Variants in CDK5RAP2 observed in about 807,000 individuals in gnomAD.
CDK5RAP2 encodes CDK5 regulatory subunit-associated protein 2.
A neutral mutation model predicts 232.9 loss-of-function variants in CDK5RAP2; 147 were observed. The ratio of observed to expected loss-of-function variants is 0.63; its 90% CI spans 0.55 to 0.72. The LOEUF (loss-of-function observed/expected upper bound fraction) is 0.72. CDK5RAP2 is among the 30% of genes least tolerant of loss of function. The pLI is 0.00. For missense variants in CDK5RAP2, 2,195 were observed against 2,231.5 expected, an observed-to-expected ratio of 0.98 and a Z score of 0.33; for synonymous variants, 833 against 833.7, an observed-to-expected ratio of 1.00 and a Z score of 0.01.
intron 3 of CDK5RAP2, among the ~76,000 whole-genome samples, chr9:120,556,797 ACTGT>A (rs1440783006): frequency 3.3e-5 from 5 of 152,164 alleles, no homozygotes; most frequent in Non-Finnish European, 5.9e-5. Context: ...ATATTTTGAA[ACTGT>A]CTACCCTTGG....
intron 12 of CDK5RAP2, among the ~76,000 whole-genome samples, chr9:120,502,400 C>T (rs1315633638): frequency 6.6e-6 from 1 of 152,224 alleles, no homozygotes; most frequent in Non-Finnish European, 1.5e-5. Context: ...CTCCTCTATA[C>T]AAACGACTAT....
intron 1 of CDK5RAP2, among the ~76,000 whole-genome samples, chr9:120,576,729 A>C (rs2043046971): frequency 6.6e-6 from 1 of 151,860 alleles, no homozygotes; most frequent in Non-Finnish European, 1.5e-5. Flanking sequence ...GACCACAATG[A>C]GATACCTACC....
intron 19 of CDK5RAP2, among the ~76,000 whole-genome samples, chr9:120,460,225 A>C (rs909800738): frequency 4.6e-5 from 7 of 152,190 alleles, no homozygotes; most frequent in Admixed American, 1.3e-4. Flanking sequence ...TGTGCCCCAA[A>C]TAAATCATCA....
intron 3 of CDK5RAP2, 128 bp from the exon 4 acceptor site, chr9:120,551,030 G>A: frequency 1.5e-6 from 1 of 685,876 alleles, no homozygotes. Context: ...ACTAGAGAAA[G>A]CTTATTTTTG....
chr9:120,499,389 T>C (rs1050890947), intron 12 of CDK5RAP2, among the ~76,000 whole-genome samples: 1 of 147,366 alleles, frequency 6.8e-6, no homozygotes, highest in African/African-American at 2.5e-5. Flanking sequence ...TGAGCAGGGG[T>C]TTTTTTTTTA....
chr9:120,406,867 G>GGT lies in CDK5RAP2; in HGVS notation c.4963+143_4963+144dup, dbSNP rs2033477690. 3.2e-5 allele frequency: 21 copies of GGT among 661,480 alleles called. No homozygotes were observed. In the East Asian group the frequency reaches 5.2e-4, roughly 17 times the overall value. The allele number at this position is 661,480 out of a possible 1,614,324, so 41.0% of individuals were successfully genotyped here. A position where few individuals can be genotyped will look rare whatever the true frequency, so the allele number is the denominator to read the frequency against. On this transcript the variant is annotated intron_variant, in intron 32 of 37. Coordinates refer to ENST00000349780, the MANE Select transcript of CDK5RAP2 (RefSeq NM_018249.6). ...GTGACCGCTAATTAATTAGCAGTCA[G>GGT]GTCCCCTGGCTCCTAGGGTACAGCA...
At chr9:120,451,021 G>A (rs766241313) in intron 21 of CDK5RAP2, among the ~76,000 whole-genome samples, 4 of 152,178 alleles carry the variant, frequency 2.6e-5, no homozygotes, top group South Asian at 2.1e-4. Flanking sequence ...CATTTGCTTC[G>A]TCCTCAGTCT....
At chr9:120,425,529 C>G (rs1047164416) in intron 25 of CDK5RAP2, among the ~76,000 whole-genome samples, 1 of 152,168 alleles carries the variant, frequency 6.6e-6, no homozygotes, top group Non-Finnish European at 1.5e-5. Flanking sequence ...TCTAGTTATC[C>G]CATCCATAAC....
rs368040075 is a variant in CDK5RAP2, at chr9:120,425,148, C to T, written c.3956-2407G>A. Among the ~76,000 whole-genome samples, 35 of 152,290 alleles carry T rather than the reference C, an allele frequency of 2.3e-4. No individual in the cohort carries two copies. In the East Asian group the frequency reaches 6.6e-3, roughly 29 times the overall value. On this transcript the variant is annotated intron_variant, in intron 25 of 37. Coordinates refer to ENST00000349780, the MANE Select transcript of CDK5RAP2 (RefSeq NM_018249.6). The stretch of plus-strand genomic sequence containing the variant: ...ATTCCTAACCAAACTCATGACCACA[C>T]CAGGATGTGCCCTGATGCCACCAGC...
chr9:120,442,602 G>T (rs1158552178), intron 23 of CDK5RAP2, among the ~76,000 whole-genome samples: 1 of 152,236 alleles, frequency 6.6e-6, no homozygotes, highest in African/African-American at 2.4e-5. Flanking sequence ...GATTAGTTAA[G>T]AAGTCTGTAT....
At chr9:120,392,123 A>C (rs889156477) in intron 36 of CDK5RAP2, among the ~76,000 whole-genome samples, 1 of 152,294 alleles carries the variant, frequency 6.6e-6, no homozygotes, top group Middle Eastern at 3.4e-3. Flanking sequence ...TAATGGAAAG[A>C]AAGAGGAGGG....
intron 28 of CDK5RAP2, among the ~76,000 whole-genome samples, chr9:120,413,834 G>GGGAGGGAGGAGGGAA (rs2034028051): frequency 6.7e-6 from 1 of 148,854 alleles, no homozygotes; most frequent in African/African-American, 2.5e-5. Context: ...GGAGGGAGGA[G>GGGAGGGAGGAGGGAA]GGAGGAGGGA....
intron 12 of CDK5RAP2, among the ~76,000 whole-genome samples, chr9:120,509,950 C>T (rs1001206110): frequency 1.3e-5 from 2 of 151,010 alleles, no homozygotes; most frequent in African/African-American, 4.9e-5. Flanking sequence ...ACACCTAATA[C>T]ACACACACAC....
intron 22 of CDK5RAP2, among the ~76,000 whole-genome samples, chr9:120,446,300 C>T (rs1042080770): frequency 7.9e-5 from 12 of 152,088 alleles, no homozygotes; most frequent in Middle Eastern, 3.4e-3. Flanking sequence ...TGTGTCTGCT[C>T]ACTGCAACCT....
At position 120,569,452 on chromosome 9, in the gene CDK5RAP2, G is replaced by A. The variant is rs112215499; in HGVS notation, c.128-1064C>T. On this transcript the variant is annotated intron_variant, in intron 2 of 37. Coordinates refer to ENST00000349780, the MANE Select transcript of CDK5RAP2 (RefSeq NM_018249.6). ...TGAGGACTGCCATTTTAGGTAAGGT[G>A]GTTAAGGAAGGTCTCAATGAGAAGG... Among the ~76,000 whole-genome samples the A allele has an allele frequency of 1.0e-3, 156 of 152,256 alleles. 1 individual carries two copies. The highest frequency in any genetic ancestry group is 3.4e-3 in the African/African-American group (142 of 41,556).
chr9:120,459,061 T>C (rs943462166), intron 19 of CDK5RAP2, among the ~76,000 whole-genome samples: 1 of 152,252 alleles, frequency 6.6e-6, no homozygotes, highest in African/African-American at 2.4e-5. Flanking sequence ...GGAACCCATG[T>C]TGTGATTTGA....
intron 12 of CDK5RAP2, among the ~76,000 whole-genome samples, chr9:120,513,889 CCT>C: frequency 6.6e-6 from 1 of 152,298 alleles, no homozygotes; most frequent in African/African-American, 2.4e-5. Context: ...AAATAAGGAG[CCT>C]AGTTACCAGA....
At chr9:120,512,160 G>A (rs1279438489) in intron 12 of CDK5RAP2, among the ~76,000 whole-genome samples, 1 of 152,154 alleles carries the variant, frequency 6.6e-6, no homozygotes, top group African/African-American at 2.4e-5. Flanking sequence ...ACCAGTCTGG[G>A]CAACATAGCA....
At chr9:120,469,373 G>A (rs2037562214) in intron 17 of CDK5RAP2, among the ~76,000 whole-genome samples, 1 of 152,118 alleles carries the variant, frequency 6.6e-6, no homozygotes, top group Admixed American at 6.5e-5. Context: ...TTGTACAGCT[G>A]CCCATACAGC....
Sources: gnomAD v4.1 joint callset for allele counts (sites outside exome capture counted in the v4.1 genomes callset) on GRCh38, gnomAD v4.1.1 for gene constraint, MANE v1.5 for transcripts, NCBI Gene and HGNC (gene_info 2026-07-23, HGNC 2026-07-21) for gene names.